The following MCMBP variants were observed in gnomAD, a reference collection of about 807,000 sequenced individuals.
The protein encoded by MCMBP is mini-chromosome maintenance complex-binding protein.
In MCMBP, 31 loss-of-function variants were observed where a neutral mutation model predicts 81.3. The observed-to-expected ratio is 0.38, with a 90% CI of 0.29 to 0.51. MCMBP has a LOEUF of 0.51. MCMBP is among the 20% of genes least tolerant of loss of function. MCMBP has a pLI of 0.87. For missense variants in MCMBP, 645 were observed against 772.1 expected (o/e 0.84, Z 1.95); for synonymous variants, 267 against 275.9 (o/e 0.97, Z 0.32).
rs200409426 is a variant in MCMBP, at chr10:119,847,597, G to A, written c.827+16C>T. On this transcript the variant is annotated intron_variant, in intron 8 of 15. Coordinates refer to ENST00000369077, the MANE Select transcript of MCMBP (RefSeq NM_001256378.2). ...ATAAAAATAAAGGAGACCAAAAAAAGAGCACACAGACTCACCTTTCATCAT... is the reference window on the plus strand; with the variant it reads ...ATAAAAATAAAGGAGACCAAAAAAAAAGCACACAGACTCACCTTTCATCAT... 5.6e-5 allele frequency: 84 copies of A among 1,490,104 alleles called. 1 individual carries two copies. In the East Asian group the frequency reaches 1.2e-3, roughly 21 times the overall value. The allele number at this position is 1,490,104 out of a possible 1,614,324, so 92.3% of individuals were successfully genotyped here. A position where few individuals can be genotyped will look rare whatever the true frequency, so the allele number is the denominator to read the frequency against.
chr10:119,842,784 G>C, intron 9 of MCMBP, 189 bp from the exon 10 acceptor site: 1 of 526,686 alleles, frequency 1.9e-6, no homozygotes. Context: ...TTTTTTTTGA[G>C]ACCAAGTTTT....
intron 11 of MCMBP, among the ~76,000 whole-genome samples, 173 bp from the exon 12 acceptor site, chr10:119,838,873 C>T (rs988963466): frequency 6.6e-6 from 1 of 152,292 alleles, no homozygotes; most frequent in Admixed American, 6.5e-5. Flanking sequence ...CTAGATCTTA[C>T]ATTTGAATTT....
intron 1 of MCMBP, among the ~76,000 whole-genome samples, chr10:119,866,755 T>A (rs2456726): frequency 1 from 152,029 of 152,302 alleles, 75,881 homozygotes; most frequent in Middle Eastern, 1. Context: ...AGAAAAAAAA[T>A]TTTTTTGGAC....
chr10:119,843,559 G>A (rs922265997), intron 8 of MCMBP, 133 bp from the exon 9 acceptor site: 2 of 797,498 alleles, frequency 2.5e-6, no homozygotes, highest in Non-Finnish European at 3.9e-6. Flanking sequence ...TTAAAGAACA[G>A]AAAGTGGCCT....
chr10:119,847,607 A>T lies in MCMBP; in HGVS notation c.827+6T>A. 2 of 1,546,550 alleles carry T rather than the reference A, an allele frequency of 1.3e-6. No homozygotes were observed. Among genetic ancestry groups the T allele is most frequent in the Non-Finnish European group, 1.8e-6 (2 of 1,126,524 alleles). ...AGGAGACCAAAAAAAGAGCACACAG[A>T]CTCACCTTTCATCATTATTCAGTAT... On this transcript the variant is annotated splice_donor_region_variant and intron_variant, in intron 8 of 15. Coordinates refer to ENST00000369077, the MANE Select transcript of MCMBP (RefSeq NM_001256378.2).
Position 119,836,941 on chromosome 10 carries a change from G to A in MCMBP, c.1497C>T (p.Cys499=), listed in dbSNP as rs916862692. 2 of 1,613,544 alleles carry A rather than the reference G, an allele frequency of 1.2e-6. No individual in the cohort carries two copies. Among genetic ancestry groups the A allele is most frequent in the Admixed American group, 3.3e-5 (2 of 59,960 alleles). ...DFSYHQMEFP[C]NINVFITSEG... ...CCGAAGTAATGAAAACGTTAATATT[G>A]CAGGGGAATTCCATCTGATGGTAGC... Residue 499 remains cysteine (C), a synonymous_variant, in exon 13 of 16, where the codon TGC becomes TGT. Coordinates refer to ENST00000369077, the MANE Select transcript of MCMBP (RefSeq NM_001256378.2).
Position 119,872,629 on chromosome 10 carries a change from G to A in MCMBP, c.-45C>T, listed in dbSNP as rs1252419830. 4 of 1,100,326 alleles carry A rather than the reference G, an allele frequency of 3.6e-6. No homozygotes were observed. Among genetic ancestry groups the A allele is most frequent in the Non-Finnish European group, 3.4e-6 (3 of 887,784 alleles). The allele number at this position is 1,100,326 out of a possible 1,614,324, so 68.2% of individuals were successfully genotyped here. On this transcript the variant is annotated 5_prime_UTR_variant, in exon 1 of 16. Transcript: ENST00000369077. ...GGCGAAGACCGGGCGGAGGCGATCC[G>A]CGGGCCGAGCGCGGCCGGGCGGCCG...
intron 1 of MCMBP, among the ~76,000 whole-genome samples, 155 bp from the exon 2 acceptor site, chr10:119,860,039 T>G (rs982582989): frequency 6.6e-6 from 1 of 152,194 alleles, no homozygotes; most frequent in Admixed American, 6.5e-5. Flanking sequence ...TATTTTATGC[T>G]TCAGTGTGTC....
At chr10:119,869,810 G>C (rs1463946852) in intron 1 of MCMBP, among the ~76,000 whole-genome samples, 1 of 152,160 alleles carries the variant, frequency 6.6e-6, no homozygotes, top group African/African-American at 2.4e-5. Flanking sequence ...TCCTGAAAGA[G>C]AGTCAGTGAG....
chr10:119,838,327 T>C (rs1036885012), intron 12 of MCMBP, among the ~76,000 whole-genome samples: 1 of 150,288 alleles, frequency 6.7e-6, no homozygotes, highest in Admixed American at 6.6e-5. Context: ...ATCTGTTCCA[T>C]TGTACTACTT....
rs34297798 is a variant in MCMBP at position 119,843,318 on chromosome 10, G to A, written c.936C>T (p.Ala312=). 2,647 of 1,613,960 alleles carry A rather than the reference G, an allele frequency of 1.6e-3. 25 individuals are homozygous for A. In the African/African-American group the frequency reaches 0.028, roughly 17 times the overall value. The stretch of plus-strand genomic sequence containing the variant: ...ATGGGTTGATGTGTTGCAACTTCTG[G>A]GCTAAGATCACATGAATTCTCGGCA... The part of the protein sequence containing the change: ...SLVPRIHVIL[A]QKLQHINPLL... The change falls in exon 9 of 16, where the codon GCC becomes GCT. Residue 312 remains alanine, a synonymous_variant. Transcript: ENST00000369077.
chr10:119,860,713 TAAG>T (rs1007321439), intron 1 of MCMBP, among the ~76,000 whole-genome samples: 13 of 152,348 alleles, frequency 8.5e-5, no homozygotes, highest in South Asian at 6.2e-4. Flanking sequence ...CATTGCTATT[TAAG>T]AAGAATAAGG....
chr10:119,834,724 A>C (rs1852174193), intron 14 of MCMBP, among the ~76,000 whole-genome samples: 1 of 151,942 alleles, frequency 6.6e-6, no homozygotes, highest in Non-Finnish European at 1.5e-5. Context: ...AGCTGGGCAC[A>C]GTGGCACATG....
chr10:119,873,165 G>A (rs935529519), upstream of MCMBP, among the ~76,000 whole-genome samples: 3 of 152,178 alleles, frequency 2.0e-5, no homozygotes, highest in Admixed American at 6.5e-5. Context: ...TAAGCTCAGA[G>A]ACCTCAGAGT....
intron 12 of MCMBP, 97 bp from the exon 13 acceptor site, chr10:119,837,126 C>G: frequency 1.6e-6 from 2 of 1,288,884 alleles, no homozygotes; most frequent in Non-Finnish European, 2.2e-6. Flanking sequence ...GTTTCTACCA[C>G]TTTTAATAAA....
intron 9 of MCMBP, 130 bp from the exon 10 acceptor site, chr10:119,842,725 G>T: frequency 3.3e-6 from 3 of 917,120 alleles, no homozygotes; most frequent in Non-Finnish European, 4.7e-6. Flanking sequence ...ATATCCGTCA[G>T]TAAGTGATGC....
chr10:119,862,308 C>G (rs1853287557), intron 1 of MCMBP, among the ~76,000 whole-genome samples: 1 of 151,928 alleles, frequency 6.6e-6, no homozygotes, highest in Non-Finnish European at 1.5e-5. Flanking sequence ...TCTTCGTCCC[C>G]CCCCACACCA....
rs112857438 is a variant in MCMBP, at chr10:119,836,521, A to G, written c.1542+375T>C. On this transcript the variant is annotated intron_variant, in intron 13 of 15. Coordinates refer to ENST00000369077, the MANE Select transcript of MCMBP (RefSeq NM_001256378.2). ...ACTACCAAGTGACCAAGGACATTTT[A>G]AAAGAACTCTGAAATATTTTTCACA... Among the ~76,000 whole-genome samples, 272 of 151,150 alleles carry G rather than the reference A, an allele frequency of 1.8e-3. 3 individuals carry two copies. Among genetic ancestry groups the G allele is most frequent in the African/African-American group, 6.2e-3 (256 of 41,554 alleles).
intron 11 of MCMBP, among the ~76,000 whole-genome samples, chr10:119,840,068 T>C (rs1852383042): frequency 6.6e-6 from 1 of 152,240 alleles, no homozygotes; most frequent in Non-Finnish European, 1.5e-5. Context: ...TTATATGTAA[T>C]TTTTTATTTT....
Sources: allele counts gnomAD v4.1 joint callset (sites outside exome capture counted in the v4.1 genomes callset), GRCh38; gene constraint gnomAD v4.1.1; transcripts MANE v1.5; gene names NCBI Gene and HGNC (gene_info 2026-07-23, HGNC 2026-07-21).